Variants in TRIM16 observed in about 807,000 individuals in gnomAD.
The protein encoded by TRIM16 is tripartite motif containing 16, also known as tripartite motif-containing protein 16.
A neutral mutation model predicts 50.4 loss-of-function variants in TRIM16; 33 were observed. That is an observed-to-expected ratio of 0.65 (90% confidence interval 0.50 to 0.88). The LOEUF is 0.88. Among genes scored for constraint, TRIM16 ranks in the 40% least tolerant of loss-of-function variants. The pLI is 0.00. For missense variants in TRIM16, 581 were observed against 686.8 expected, an observed-to-expected ratio of 0.85 and a Z score of 1.72; for synonymous variants, 229 against 270.7, an observed-to-expected ratio of 0.85 and a Z score of 1.51.
Position 15,680,955 on chromosome 17 carries a change from T to C in TRIM16, c.-678-2A>G. The C allele has an allele frequency of 2.0e-6, 3 of 1,507,410 alleles. No individual in the cohort carries two copies. Among genetic ancestry groups the C allele is most frequent in the Non-Finnish European group, 2.7e-6 (3 of 1,130,640 alleles). The allele number at this position is 1,507,410 out of a possible 1,614,324, so 93.4% of individuals were successfully genotyped here. A position where few individuals can be genotyped will look rare whatever the true frequency, so the allele number is the denominator to read the frequency against. ...GGGCAGGGTCCTCAGAGGGCAGAAC[T>C]GGAAGGAAATTGACATAAAGGAACC... On this transcript the variant is annotated splice_acceptor_variant, in intron 3 of 11. Transcript: ENST00000649191. LOFTEE classifies it low-confidence loss of function (5UTR_SPLICE).
Position 15,643,099 on chromosome 17 carries a change from C to T in TRIM16, c.520-283G>A, listed in dbSNP as rs528991810. On this transcript the variant is annotated intron_variant, in intron 7 of 11. Coordinates refer to ENST00000649191, the MANE Select transcript of TRIM16 (RefSeq NM_001348119.1). Reference sequence around the variant, plus strand: ...ATTACCCCACACCATCCTTGCCATACCCATACTAGCTGTAAACCAGAAATA... The same window carrying T: ...ATTACCCCACACCATCCTTGCCATATCCATACTAGCTGTAAACCAGAAATA... The T allele has an allele frequency of 2.4e-5, 26 of 1,099,096 alleles. 1 individual carries two copies. The South Asian group carries it at 3.6e-4, about 15-fold the overall frequency. 68.1% of individuals were successfully genotyped at this position (1,099,096 alleles called of 1,614,324 possible).
At chr17:15,642,203 A>G (rs948152788) in intron 8 of TRIM16, among the ~76,000 whole-genome samples, 3 of 148,922 alleles carry the variant, frequency 2.0e-5, no homozygotes, top group African/African-American at 7.5e-5. Flanking sequence ...AGGCATTTGT[A>G]GAACTCCTCA....
In TRIM16 at chr17:15,628,597, G is replaced by C. The variant is rs376005389; in HGVS notation, c.*18C>G. On this transcript the variant is annotated 3_prime_UTR_variant, in exon 12 of 12. Coordinates refer to ENST00000649191, the MANE Select transcript of TRIM16 (RefSeq NM_001348119.1). ...CATCACTGTAGCTGGCAAAGGTCTG[G>C]GATATGGCTCCTGGAGTCTAGGGAG... 338 of 1,574,938 alleles carry C rather than the reference G, an allele frequency of 2.1e-4. 1 individual carries two copies. The African/African-American group carries it at 4.0e-3, about 19-fold the overall frequency.
In TRIM16 at chr17:15,677,690, G is replaced by T. The variant is rs1378690213; in HGVS notation, c.-558C>A. The T allele has an allele frequency of 5.9e-6, 6 of 1,013,756 alleles. No homozygotes were observed. Among genetic ancestry groups the T allele is most frequent in the Admixed American group, 5.3e-5 (1 of 18,944 alleles). 62.8% of individuals were successfully genotyped at this position (1,013,756 alleles called of 1,614,324 possible). A position where few individuals can be genotyped will look rare whatever the true frequency, so the allele number is the denominator to read the frequency against. ...GAAGTTCACAGCCACATCCTTGAATGACATAAAGCCCTGAAACACCTGCAT... is the reference window on the plus strand; with the variant it reads ...GAAGTTCACAGCCACATCCTTGAATTACATAAAGCCCTGAAACACCTGCAT... On this transcript the variant is annotated 5_prime_UTR_variant, in exon 5 of 12. An upstream open reading frame in the 5' UTR gains an earlier in-frame stop. Coordinates refer to ENST00000649191, the MANE Select transcript of TRIM16 (RefSeq NM_001348119.1).
chr17:15,649,996 T>A (rs1170673782), intron 7 of TRIM16, among the ~76,000 whole-genome samples: 1 of 152,194 alleles, frequency 6.6e-6, no homozygotes, highest in Non-Finnish European at 1.5e-5. Flanking sequence ...TGGAAACAGT[T>A]TGGCAAGTGG....
chr17:15,676,726 C>T (rs62071666), intron 6 of TRIM16, among the ~76,000 whole-genome samples: 51,267 of 152,116 alleles, frequency 0.34, 10,752 homozygotes, highest in Non-Finnish European at 0.46. Flanking sequence ...TGAGCCACTG[C>T]GCCTGGCCGA....
chr17:15,651,667 A>G lies in TRIM16; in HGVS notation c.-58T>C, dbSNP rs1288299560. The G allele has an allele frequency of 1.3e-6, 2 of 1,573,494 alleles. No individual in the cohort carries two copies. Among genetic ancestry groups the G allele is most frequent in the East Asian group, 4.7e-5 (2 of 42,506 alleles). The stretch of plus-strand genomic sequence containing the variant: ...CTGTCCCTTGGCCCAGGATCTGTGC[A>G]GCCCAAGTCAGACAAGAGAACCACG... On this transcript the variant is annotated 5_prime_UTR_variant, in exon 7 of 12. Transcript: ENST00000649191.
intron 11 of TRIM16, among the ~76,000 whole-genome samples, chr17:15,630,689 A>G (rs1362362578): frequency 6.6e-6 from 1 of 150,874 alleles, no homozygotes; most frequent in Non-Finnish European, 1.5e-5. Flanking sequence ...ATGTGGTGGC[A>G]TGCGCCTGTG....
intron 11 of TRIM16, among the ~76,000 whole-genome samples, chr17:15,629,463 ATTAAT>A (rs1195687501): frequency 6.6e-6 from 1 of 152,276 alleles, no homozygotes; most frequent in African/African-American, 2.4e-5. Context: ...CAAGAAATAT[ATTAAT>A]TTACTCATTC....
chr17:15,652,434 C>T (rs1987767228), intron 6 of TRIM16, among the ~76,000 whole-genome samples: 1 of 130,732 alleles, frequency 7.6e-6, no homozygotes, highest in Non-Finnish European at 1.6e-5. Context: ...GCTAGGATTA[C>T]AGGTGAGCCA....
At chr17:15,645,146 C>T (rs530047362) in intron 7 of TRIM16, among the ~76,000 whole-genome samples, 1 of 152,300 alleles carries the variant, frequency 6.6e-6, no homozygotes, top group South Asian at 2.1e-4. Flanking sequence ...TATCTCTAAA[C>T]TTCCATTTCT....
At chr17:15,647,341 T>C (rs1384665273) in intron 7 of TRIM16, among the ~76,000 whole-genome samples, 2 of 152,254 alleles carry the variant, frequency 1.3e-5, no homozygotes, top group South Asian at 2.1e-4. Flanking sequence ...AAACAGGCTG[T>C]GAGTGATGCC....
At chr17:15,649,751 A>C (rs1035580468) in intron 7 of TRIM16, among the ~76,000 whole-genome samples, 4 of 152,162 alleles carry the variant, frequency 2.6e-5, no homozygotes, top group African/African-American at 9.7e-5. Flanking sequence ...AGAGGCTTCC[A>C]TTCCTCACTC....
intron 8 of TRIM16, among the ~76,000 whole-genome samples, chr17:15,640,354 C>A (rs565676308): frequency 6.7e-6 from 1 of 148,778 alleles, no homozygotes. Context: ...CAGGGAAGGA[C>A]CTTTAAGTTC....
intron 6 of TRIM16, among the ~76,000 whole-genome samples, chr17:15,656,380 C>T (rs952362504): frequency 3.9e-5 from 6 of 152,178 alleles, no homozygotes; most frequent in Non-Finnish European, 7.3e-5. Context: ...TGTCTCTCCT[C>T]GGATTCTGCT....
chr17:15,660,488 T>C (rs1046332886), intron 6 of TRIM16, among the ~76,000 whole-genome samples: 11 of 152,158 alleles, frequency 7.2e-5, no homozygotes, highest in African/African-American at 2.2e-4. Context: ...ATACCCCTGA[T>C]TGTCTGCATG....
At position 15,651,957 on chromosome 17, in the gene TRIM16, C is replaced by A. The variant is rs576251856; in HGVS notation, c.-337-11G>T. 4.1e-6 allele frequency: 5 copies of A among 1,214,416 alleles called. No individual in the cohort carries two copies. The highest frequency in any genetic ancestry group is 4.1e-6 in the Non-Finnish European group (4 of 968,726). 75.2% of individuals were successfully genotyped at this position (1,214,416 alleles called of 1,614,324 possible). ...GTCTCTGTGCCTGCTCTGGAAAGGA[C>A]AGAAGATTCCTGAGCTCTGTTATAA... On this transcript the variant is annotated splice_polypyrimidine_tract_variant and intron_variant, in intron 6 of 11. Coordinates refer to ENST00000649191, the MANE Select transcript of TRIM16 (RefSeq NM_001348119.1).
rs192583984 is a variant in TRIM16 at position 15,679,319 on chromosome 17, T to C, written c.-590+1546A>G. ...TGTGTAGAATGCTCCTGGATATGTC[T>C]GGCGAACAAAGAATGAGTTAAGTTC... On this transcript the variant is annotated intron_variant, in intron 4 of 11. Coordinates refer to ENST00000649191, the MANE Select transcript of TRIM16 (RefSeq NM_001348119.1). 6.5e-3 allele frequency among the ~76,000 whole-genome samples: 986 copies of C among 152,340 alleles called. 7 individuals carry two copies. Among genetic ancestry groups the C allele is most frequent in the African/African-American group, 0.023 (949 of 41,564 alleles).
rs1431065548 is a variant in TRIM16 at position 15,628,931 on chromosome 17, A to G, written c.1379T>C (p.Ile460Thr). ...DRKGEERNSC[I>T]SGNNFSWSLQ... ...GCTCCAGGAGAAGTTGTTTCCGGAA[A>G]TGCAACTGTTGCGCTCCTCCCCTTT... is the stretch of plus-strand genomic sequence containing the variant. The change falls in exon 12 of 12, where the codon ATT (isoleucine) becomes ACT (threonine). Residue 460 changes from isoleucine to threonine, a missense_variant. This residue lies in a region of TRIM16 where 115 missense variants were observed against 106.7 expected (regional missense o/e 1.08). Transcript: ENST00000649191. 1.2e-6 allele frequency: 2 copies of G among 1,614,224 alleles called. No homozygotes were observed. Among genetic ancestry groups the G allele is most frequent in the Non-Finnish European group, 1.7e-6 (2 of 1,180,046 alleles).
Sources: gnomAD v4.1 joint callset for allele counts (sites outside exome capture counted in the v4.1 genomes callset) on GRCh38, gnomAD v4.1.1 for gene constraint, gnomAD v4.1.1 regional missense constraint, MANE v1.5 for transcripts, NCBI Gene and HGNC (gene_info 2026-07-23, HGNC 2026-07-21) for gene names.